The following AAK1 variants were observed in gnomAD, a reference collection of about 807,000 sequenced individuals.
AAK1 encodes the protein AP2 associated kinase 1.
Under a neutral mutation model 116.0 loss-of-function variants are expected in AAK1, and 37 were observed. That is an observed-to-expected ratio of 0.32 (90% CI 0.25 to 0.42). AAK1 has a LOEUF of 0.42. Ranked by LOEUF, AAK1 falls within the 10% of genes least tolerant of loss-of-function variation. The pLI is 1.00. For missense variants in AAK1, 919 were observed against 1,170.6 expected, an observed-to-expected ratio of 0.79 and a Z score of 3.14; for synonymous variants, 458 against 439.9, an observed-to-expected ratio of 1.04 and a Z score of -0.51.
intron 18 of AAK1, chr2:69,482,045 C>A (rs949681386): frequency 6.5e-6 from 1 of 152,988 alleles, no homozygotes; most frequent in African/African-American, 2.4e-5. Context: ...GCTGGATGTA[C>A]ATGGGCCTTC....
At chr2:69,567,856 T>C (rs1254779147) in intron 2 of AAK1, among the ~76,000 whole-genome samples, 1 of 152,192 alleles carries the variant, frequency 6.6e-6, no homozygotes, top group African/African-American at 2.4e-5. Context: ...TATTGCTTCT[T>C]TCAAAAATAA....
At chr2:69,531,146 G>C (rs1670238153) in intron 6 of AAK1, among the ~76,000 whole-genome samples, 1 of 152,196 alleles carries the variant, frequency 6.6e-6, no homozygotes, top group African/African-American at 2.4e-5. Flanking sequence ...GGGGTGAGGA[G>C]TGGATGGAAT....
intron 2 of AAK1, among the ~76,000 whole-genome samples, chr2:69,557,939 A>G (rs1671455615): frequency 1.3e-5 from 2 of 152,220 alleles, no homozygotes; most frequent in Admixed American, 6.5e-5. Flanking sequence ...TGATAAGGGT[A>G]AGAAAGTGCT....
chr2:69,567,915 T>G (rs1048692169), intron 2 of AAK1, among the ~76,000 whole-genome samples: 1 of 152,158 alleles, frequency 6.6e-6, no homozygotes, highest in African/African-American at 2.4e-5. Context: ...GGAAAAGAAA[T>G]GAAACACCCC....
chr2:69,551,641 G>T (rs1244776537), intron 3 of AAK1, among the ~76,000 whole-genome samples: 2 of 152,206 alleles, frequency 1.3e-5, no homozygotes, highest in African/African-American at 4.8e-5. Context: ...GAATAGCCTT[G>T]ACACATCTGG....
At chr2:69,598,072 C>T (rs2105187205) in intron 2 of AAK1, 1 of 669,076 alleles carries the variant, frequency 1.5e-6, no homozygotes, top group African/African-American at 1.9e-5. Flanking sequence ...TTTATGGTGA[C>T]ATAATGCAAC....
rs1670217332 is a variant in AAK1, at chr2:69,530,630, T to C, written c.733A>G (p.Ile245Val). 2 of 1,613,282 alleles carry C rather than the reference T, an allele frequency of 1.2e-6. No homozygotes were observed. Among genetic ancestry groups the C allele is most frequent in the African/African-American group, 1.3e-5 (1 of 75,028 alleles). ...ATAGGTTACCTGACACCTACCCAAATGTCTGCCTTCGTAGTGATGATTTTG... is the reference window on the plus strand; with the variant it reads ...ATAGGTTACCTGACACCTACCCAAACGTCTGCCTTCGTAGTGATGATTTTG... ...SGKIITTKAD[I>V]WALGCLLYKL... Residue 245 changes from isoleucine to valine, a missense_variant, in exon 7 of 22, where the codon ATT becomes GTT. Physicochemically the swap from Ile to Val is conservative, Grantham distance 29. Transcript: ENST00000409085.
intron 2 of AAK1, among the ~76,000 whole-genome samples, chr2:69,619,628 G>T (rs1174030260): frequency 2.0e-5 from 3 of 152,012 alleles, no homozygotes; most frequent in Non-Finnish European, 4.4e-5. Flanking sequence ...GAAGAGGGAG[G>T]GAGTGCTGCC....
In AAK1 at chr2:69,586,601, CA is replaced by C. The variant is rs532188239; in HGVS notation, c.164-29624del. 1.3e-3 allele frequency among the ~76,000 whole-genome samples: 205 copies of C among 152,254 alleles called. 1 individual carries two copies. Among genetic ancestry groups the C allele is most frequent in the African/African-American group, 4.8e-3 (198 of 41,546 alleles). On this transcript the variant is annotated intron_variant, in intron 2 of 21. Transcript: ENST00000409085. ...GCATTGTCTGAATCACCTAGAATAA[CA>C]AAGTCAATGCTCGGTAACTACTGAA...
chr2:69,478,376 A>G (rs1291056297), intron 20 of AAK1: 5 of 152,422 alleles, frequency 3.3e-5, no homozygotes, highest in Non-Finnish European at 7.3e-5. Flanking sequence ...TGTTCTTGCC[A>G]GAAAGCAATA....
chr2:69,629,047 C>T lies in AAK1; in HGVS notation c.163+13831G>A, dbSNP rs576286731. Among the ~76,000 whole-genome samples the T allele has an allele frequency of 3.4e-4, 52 of 152,340 alleles. No individual in the cohort carries two copies. The South Asian group carries it at 9.3e-3, about 27-fold the overall frequency. ...TTCTTTGATAAATATGAAAATCTCA[C>T]GTCTTCTCCACACTCCGACCTCTTA... On this transcript the variant is annotated intron_variant, in intron 2 of 21. Transcript: ENST00000409085.
At chr2:69,554,031 T>C (rs974528169) in intron 3 of AAK1, among the ~76,000 whole-genome samples, 1 of 151,548 alleles carries the variant, frequency 6.6e-6, no homozygotes, top group Non-Finnish European at 1.5e-5. Flanking sequence ...GAGCTATGAT[T>C]GTGCCACTAC....
intron 2 of AAK1, among the ~76,000 whole-genome samples, chr2:69,604,424 GCTT>G (rs1205902386): frequency 6.6e-6 from 1 of 152,176 alleles, no homozygotes; most frequent in Non-Finnish European, 1.5e-5. Context: ...TTGCTTTCAT[GCTT>G]CTTCTCCTCT....
In AAK1 at chr2:69,469,044, G is replaced by C; in HGVS notation, c.*6825C>G. The C allele has an allele frequency of 4.1e-6, 4 of 985,436 alleles. No homozygotes were observed. Among genetic ancestry groups the C allele is most frequent in the Non-Finnish European group, 4.8e-6 (4 of 829,940 alleles). The allele number at this position is 985,436 out of a possible 1,614,324, so 61.0% of individuals were successfully genotyped here. A position where few individuals can be genotyped will look rare whatever the true frequency, so the allele number is the denominator to read the frequency against. On this transcript the variant is annotated 3_prime_UTR_variant, in exon 22 of 22. Transcript: ENST00000409085. ...TTAGTCTCCTGTCCTTCAAAACAAG[G>C]ACAAGAGCTATTTCCTATCTTTCTT...
At chr2:69,519,456 A>G (rs1449140944) in intron 11 of AAK1, among the ~76,000 whole-genome samples, 1 of 152,204 alleles carries the variant, frequency 6.6e-6, no homozygotes, top group Non-Finnish European at 1.5e-5. Context: ...AACAAGGTTC[A>G]ATATTGCCTC....
At chr2:69,578,401 T>C (rs940763457) in intron 2 of AAK1, among the ~76,000 whole-genome samples, 1 of 151,956 alleles carries the variant, frequency 6.6e-6, no homozygotes, top group East Asian at 1.9e-4. Flanking sequence ...CAGACTAGAG[T>C]TCAAATGCAA....
At chr2:69,511,965 T>C (rs1322984187) in intron 13 of AAK1, among the ~76,000 whole-genome samples, 1 of 152,160 alleles carries the variant, frequency 6.6e-6, no homozygotes, top group Non-Finnish European at 1.5e-5. Flanking sequence ...AATCAAAGAA[T>C]GTGAGAGTTT....
chr2:69,567,102 A>G (rs1671906922), intron 2 of AAK1, among the ~76,000 whole-genome samples: 1 of 151,942 alleles, frequency 6.6e-6, no homozygotes, highest in Non-Finnish European at 1.5e-5. Flanking sequence ...TCCAGTGCTC[A>G]CTCTGTTCCA....
chr2:69,514,621 C>CTGT lies in AAK1; in HGVS notation c.1623_1625dup (p.Gln546dup), dbSNP rs3832159. ...GGGCTGTGGCCAGCTGTTGCTGTTG[C>CTGT]TGTTGTTGTTGCTGCTGCTGCTGCT... On this transcript the variant is annotated inframe_insertion, in exon 13 of 22. Coordinates refer to ENST00000409085, the MANE Select transcript of AAK1 (RefSeq NM_014911.5). 1 of 1,597,388 alleles carries CTGT rather than the reference C, an allele frequency of 6.3e-7. No individual in the cohort carries two copies. The highest frequency in any genetic ancestry group is 8.5e-7 in the Non-Finnish European group (1 of 1,170,820).
Sources: gnomAD v4.1 joint callset for allele counts (sites outside exome capture counted in the v4.1 genomes callset) on GRCh38, gnomAD v4.1.1 for gene constraint, MANE v1.5 for transcripts, NCBI Gene and HGNC (gene_info 2026-07-23, HGNC 2026-07-21) for gene names.